The following WNK1 variants were observed in gnomAD, a reference collection of about 807,000 sequenced individuals.
The protein encoded by WNK1 is WNK lysine deficient protein kinase 1.
A neutral mutation model predicts 222.8 loss-of-function variants in WNK1; 38 were observed. The observed-to-expected ratio is 0.17, with a 90% confidence interval of 0.13 to 0.22. The LOEUF is 0.22. Among genes scored for constraint, WNK1 ranks in the 10% least tolerant of loss-of-function variants. The pLI, the probability that WNK1 is intolerant of heterozygous loss-of-function variation, is 1.00. For missense variants in WNK1, 2,348 were observed against 2,918.4 expected, an observed-to-expected ratio of 0.80 and a Z score of 4.50; for synonymous variants, 1,090 against 1,092.9, an observed-to-expected ratio of 1.00 and a Z score of 0.05.
chr12:856,185 C>T (rs1277051723), intron 4 of WNK1, among the ~76,000 whole-genome samples: 2 of 151,682 alleles, frequency 1.3e-5, no homozygotes, highest in East Asian at 3.9e-4. Flanking sequence ...TGGTGGCTCA[C>T]GCCTGTAATC....
intron 1 of WNK1, among the ~76,000 whole-genome samples, chr12:787,371 C>T (rs1414053935): frequency 2.6e-5 from 4 of 152,258 alleles, no homozygotes; most frequent in Middle Eastern, 3.4e-3. Flanking sequence ...CCTGCCTCAG[C>T]CTCCCAAAGT....
At chr12:829,739 AT>A (rs1253017855) in intron 3 of WNK1, among the ~76,000 whole-genome samples, 3 of 152,374 alleles carry the variant, frequency 2.0e-5, no homozygotes, top group African/African-American at 7.2e-5. Context: ...GTATAAAGAA[AT>A]TCATTTTACA....
intron 1 of WNK1, among the ~76,000 whole-genome samples, chr12:798,759 T>G (rs1376141121): frequency 6.6e-6 from 1 of 152,162 alleles, no homozygotes; most frequent in Non-Finnish European, 1.5e-5. Context: ...ATACTTTTCC[T>G]TTTTAAAAAA....
chr12:897,173 T>A (rs1034020758), intron 24 of WNK1, among the ~76,000 whole-genome samples: 9 of 152,192 alleles, frequency 5.9e-5, no homozygotes, highest in African/African-American at 1.9e-4. Flanking sequence ...GCACGTTTTG[T>A]TTGGCAGATT....
chr12:876,982 A>G (rs1952676365), intron 9 of WNK1, among the ~76,000 whole-genome samples: 2 of 152,046 alleles, frequency 1.3e-5, no homozygotes, highest in South Asian at 4.1e-4. Flanking sequence ...TTTTATTACA[A>G]GCAGATGTTG....
chr12:822,048 A>T (rs554102971), intron 2 of WNK1, among the ~76,000 whole-genome samples: 10 of 111,716 alleles, frequency 9.0e-5, no homozygotes, highest in Admixed American at 5.1e-4. Context: ...AAAATGAATG[A>T]TTTGCTATTT....
At chr12:906,974 T>A (rs1237012503) in intron 26 of WNK1, among the ~76,000 whole-genome samples, 1 of 139,278 alleles carries the variant, frequency 7.2e-6, no homozygotes, top group Non-Finnish European at 1.5e-5. Context: ...GAGACGTGAT[T>A]GTGCCGCTGT....
intron 2 of WNK1, among the ~76,000 whole-genome samples, chr12:814,337 G>C (rs1241993104): frequency 6.7e-6 from 1 of 148,290 alleles, no homozygotes; most frequent in African/African-American, 2.5e-5. Flanking sequence ...AAAAAAAAAA[G>C]AGTGGCTAAG....
At chr12:830,413 A>G (rs1164368620) in intron 4 of WNK1, among the ~76,000 whole-genome samples, 1 of 152,232 alleles carries the variant, frequency 6.6e-6, no homozygotes, top group African/African-American at 2.4e-5. Flanking sequence ...GTTTAAAAAC[A>G]CACCCTCATT....
intron 20 of WNK1, among the ~76,000 whole-genome samples, chr12:888,851 C>T (rs773748667): frequency 1.3e-5 from 2 of 152,222 alleles, no homozygotes; most frequent in Non-Finnish European, 2.9e-5. Flanking sequence ...ATAAATAACT[C>T]TTTCTACCGT....
At chr12:873,207 G>A (rs1952309310) in intron 9 of WNK1, among the ~76,000 whole-genome samples, 1 of 152,156 alleles carries the variant, frequency 6.6e-6, no homozygotes, top group Admixed American at 6.5e-5. Flanking sequence ...CTTTTCCAAA[G>A]GAATTGGTTA....
intron 26 of WNK1, among the ~76,000 whole-genome samples, chr12:907,143 A>G (rs1372237298): frequency 2.0e-5 from 3 of 151,632 alleles, no homozygotes; most frequent in African/African-American, 7.3e-5. Context: ...CCAACACGGC[A>G]AAACCCTGTC....
chr12:828,621 C>T (rs1948559316), intron 3 of WNK1, among the ~76,000 whole-genome samples: 1 of 152,108 alleles, frequency 6.6e-6, no homozygotes, highest in African/African-American at 2.4e-5. Flanking sequence ...CCAGACATTG[C>T]TATATATGGC....
In WNK1 at chr12:900,576, G is replaced by C; in HGVS notation, c.6549G>C (p.Gln2183His). The change falls in exon 26 of 28, where the codon CAG becomes CAC. Residue 2183 changes from glutamine to histidine, a missense_variant. Coordinates refer to ENST00000315939, the MANE Select transcript of WNK1 (RefSeq NM_018979.4). ...IPESGQNQLL[Q>H]PLKPSPSSDN... ...AGTCCGGGCAGAATCAGCTGTTACA[G>C]CCCCTTAAGCCATCTCCCTCCAGTG... 10 of 1,614,196 alleles carry C rather than the reference G, an allele frequency of 6.2e-6. No individual in the cohort carries two copies. Among genetic ancestry groups the C allele is most frequent in the Non-Finnish European group, 8.5e-6 (10 of 1,180,040 alleles).
At chr12:757,309 CTTTTTT>C (rs946901263) in intron 1 of WNK1, among the ~76,000 whole-genome samples, 26 of 83,602 alleles carry the variant, frequency 3.1e-4, no homozygotes, top group Admixed American at 8.5e-4. Context: ...AGCATCAATT[CTTTTTT>C]TTTTTTTTTT....
chr12:877,356 C>T (rs530093314), intron 9 of WNK1, among the ~76,000 whole-genome samples: 46 of 152,244 alleles, frequency 3.0e-4, no homozygotes, highest in African/African-American at 8.7e-4. Context: ...TGAGCCACCG[C>T]GCCCAGCCTC....
chr12:816,360 C>T (rs777497044), intron 2 of WNK1, among the ~76,000 whole-genome samples: 27 of 152,138 alleles, frequency 1.8e-4, no homozygotes, highest in Non-Finnish European at 3.4e-4. Context: ...GCCTCAAACT[C>T]CTGGGCTCAG....
intron 1 of WNK1, among the ~76,000 whole-genome samples, chr12:775,325 C>G (rs532887180): frequency 3.3e-5 from 5 of 152,194 alleles, no homozygotes; most frequent in Non-Finnish European, 5.9e-5. Context: ...AAGTAATAGT[C>G]TTTCTTGTAA....
chr12:759,663 TAGGTGAGACTTAG>T (rs1940741234), intron 1 of WNK1, among the ~76,000 whole-genome samples: 1 of 147,802 alleles, frequency 6.8e-6, no homozygotes. Context: ...TCTGCAGGAA[TAGGTGAGACTTAG>T]CATGACCTCA....
Sources: allele counts gnomAD v4.1 joint callset (sites outside exome capture counted in the v4.1 genomes callset), GRCh38; gene constraint gnomAD v4.1.1; transcripts MANE v1.5; gene names NCBI Gene and HGNC (gene_info 2026-07-23, HGNC 2026-07-21).